ADAM23: variants seen among roughly 807,000 people sequenced by gnomAD.
The protein encoded by ADAM23 is ADAM metallopeptidase domain 23.
ADAM23 carries 33 observed loss-of-function variants against 120.1 expected under a neutral mutation model. That is an observed-to-expected ratio of 0.27 (90% CI 0.21 to 0.37). The LOEUF (loss-of-function observed/expected upper bound fraction) is 0.37. Among genes scored for constraint, ADAM23 ranks in the 10% least tolerant of loss-of-function variants. The pLI, the probability that ADAM23 is intolerant of heterozygous loss-of-function variation, is 1.00. For synonymous variants in ADAM23, 367 were observed against 375.2 expected, an observed-to-expected ratio of 0.98 and a Z score of 0.25; for missense variants, 862 against 1,058.2, an observed-to-expected ratio of 0.81 and a Z score of 2.57.
intron 3 of ADAM23, among the ~76,000 whole-genome samples, chr2:206,492,230 G>T (rs1696149596): frequency 6.6e-6 from 1 of 152,182 alleles, no homozygotes; most frequent in Non-Finnish European, 1.5e-5. Flanking sequence ...AATGTTTATG[G>T]AGCTAAATGT....
intron 19 of ADAM23, 21 bp downstream of exon 19, chr2:206,587,396 T>G (rs769681935): frequency 2.3e-5 from 36 of 1,570,342 alleles, no homozygotes; most frequent in Non-Finnish European, 2.9e-5. Flanking sequence ...CTATAAATTT[T>G]AAGTGTAATT....
intron 3 of ADAM23, among the ~76,000 whole-genome samples, chr2:206,483,020 C>T (rs1297223866): frequency 6.6e-6 from 1 of 152,112 alleles, no homozygotes; most frequent in Non-Finnish European, 1.5e-5. Flanking sequence ...AGGGACAGCT[C>T]AGCTCATGGA....
At chr2:206,600,912 T>G (rs1698628430) in intron 24 of ADAM23, among the ~76,000 whole-genome samples, 2 of 152,248 alleles carry the variant, frequency 1.3e-5, no homozygotes, top group South Asian at 4.1e-4. Context: ...TCATTTCACA[T>G]GCAAAAACCC....
chr2:206,521,312 C>T (rs1449334383), intron 3 of ADAM23, among the ~76,000 whole-genome samples: 1 of 151,484 alleles, frequency 6.6e-6, no homozygotes, highest in Non-Finnish European at 1.5e-5. Context: ...TAGGGAAAGC[C>T]TGGTCAGCTG....
intron 21 of ADAM23, among the ~76,000 whole-genome samples, chr2:206,592,113 T>C (rs1284283006): frequency 6.6e-6 from 1 of 152,186 alleles, no homozygotes; most frequent in African/African-American, 2.4e-5. Flanking sequence ...GCATGTTGAT[T>C]TTTTGTCCTT....
chr2:206,508,718 T>A (rs930655386), intron 3 of ADAM23, among the ~76,000 whole-genome samples: 6 of 151,362 alleles, frequency 4.0e-5, no homozygotes, highest in Non-Finnish European at 8.8e-5. Flanking sequence ...TAAAGCCCCC[T>A]GCTTTTCAAA....
chr2:206,471,551 A>G (rs1695661018), intron 2 of ADAM23, among the ~76,000 whole-genome samples: 1 of 152,176 alleles, frequency 6.6e-6, no homozygotes, highest in Non-Finnish European at 1.5e-5. Flanking sequence ...AATGAGTCAC[A>G]GACACTAAGC....
chr2:206,501,858 A>G (rs910790697), intron 3 of ADAM23, among the ~76,000 whole-genome samples: 2 of 152,132 alleles, frequency 1.3e-5, no homozygotes, highest in South Asian at 2.1e-4. Flanking sequence ...TATAAAACCA[A>G]TGTGTTAAAT....
chr2:206,592,980 CATAATTTTA>C (rs1698453996), intron 22 of ADAM23, among the ~76,000 whole-genome samples: 1 of 152,124 alleles, frequency 6.6e-6, no homozygotes. Flanking sequence ...TCTTTGTCAT[CATAATTTTA>C]GGAGTAGAAT....
At chr2:206,470,999 C>A (rs1695646306) in intron 2 of ADAM23, among the ~76,000 whole-genome samples, 1 of 152,178 alleles carries the variant, frequency 6.6e-6, no homozygotes, top group African/African-American at 2.4e-5. Context: ...CTGAAAAATT[C>A]TGCAAATGGA....
chr2:206,502,694 C>T lies in ADAM23; in HGVS notation c.509+21386C>T, dbSNP rs543507298. The stretch of plus-strand genomic sequence containing the variant: ...ATCTCCAGTCCCCATCTTATTTTCC[C>T]TGACCATATCCTAATGAGGCAACCA... On this transcript the variant is annotated intron_variant, in intron 3 of 25. Transcript: ENST00000264377. Among the ~76,000 whole-genome samples, 3 of 152,196 alleles carry T rather than the reference C, an allele frequency of 2.0e-5. No individual in the cohort carries two copies. The South Asian group carries it at 6.2e-4, about 32-fold the overall frequency.
intron 6 of ADAM23, among the ~76,000 whole-genome samples, chr2:206,544,080 C>T (rs1039665942): frequency 1.3e-5 from 2 of 152,068 alleles, no homozygotes; most frequent in East Asian, 3.9e-4. Context: ...AGAACTTATT[C>T]ATGTAACCCA....
chr2:206,484,764 T>C (rs901741869), intron 3 of ADAM23, among the ~76,000 whole-genome samples: 2 of 152,148 alleles, frequency 1.3e-5, no homozygotes, highest in African/African-American at 4.8e-5. Flanking sequence ...CCTACCCAAA[T>C]CTTACTTTGA....
At chr2:206,499,118 C>G (rs1231825549) in intron 3 of ADAM23, among the ~76,000 whole-genome samples, 1 of 151,854 alleles carries the variant, frequency 6.6e-6, no homozygotes, top group East Asian at 1.9e-4. Context: ...ACTAGAAATA[C>G]CATTTGACCC....
Position 206,594,872 on chromosome 2 carries a change from C to T in ADAM23, c.2214C>T (p.Leu738=), listed in dbSNP as rs748943848. The T allele has an allele frequency of 1.9e-6, 3 of 1,613,936 alleles. No homozygotes were observed. The African/African-American group carries it at 4.0e-5, about 22-fold the overall frequency. The change falls in exon 23 of 26, where the codon CTC becomes CTT. Residue 738 remains leucine (L), a synonymous_variant. Transcript: ENST00000264377. ...IQALNMSSCP[L]DSKGKVCSGH... is the part of the protein sequence containing the mutation. ...CCCTAAATATGAGCAGCTGTCCACT[C>T]GATTCCAAGGGTAAAGTCTGTTCGG...
chr2:206,487,241 A>G (rs1041760014), intron 3 of ADAM23, among the ~76,000 whole-genome samples: 1 of 152,228 alleles, frequency 6.6e-6, no homozygotes, highest in Non-Finnish European at 1.5e-5. Flanking sequence ...CATTGATCTC[A>G]TGGAACTTAT....
chr2:206,540,542 C>T (rs1235581693), intron 4 of ADAM23, among the ~76,000 whole-genome samples: 1 of 151,960 alleles, frequency 6.6e-6, no homozygotes, highest in African/African-American at 2.4e-5. Flanking sequence ...TATGAACCCA[C>T]CAATACAAAG....
intron 2 of ADAM23, among the ~76,000 whole-genome samples, chr2:206,448,938 C>T (rs1695137175): frequency 6.6e-6 from 1 of 152,106 alleles, no homozygotes; most frequent in Admixed American, 6.6e-5. Context: ...TTGTGGCTAC[C>T]CTAGTTTATA....
chr2:206,450,811 A>G (rs988881682), intron 2 of ADAM23, among the ~76,000 whole-genome samples: 6 of 152,218 alleles, frequency 3.9e-5, no homozygotes, highest in Non-Finnish European at 5.9e-5. Context: ...ATTTACACAT[A>G]GTAGGTGTTC....
Sources: allele counts gnomAD v4.1 joint callset (sites outside exome capture counted in the v4.1 genomes callset), GRCh38; gene constraint gnomAD v4.1.1; transcripts MANE v1.5; gene names NCBI Gene and HGNC (gene_info 2026-07-23, HGNC 2026-07-21).